Variants in ABCC4 observed in about 807,000 individuals in gnomAD.
ABCC4 encodes the protein ATP-binding cassette sub-family C member 4.
Under a neutral mutation model 168.5 loss-of-function variants are expected in ABCC4, and 102 were observed. The ratio of observed to expected loss-of-function variants is 0.61; its 90% CI spans 0.52 to 0.71. ABCC4 has a LOEUF of 0.71. ABCC4 is among the 30% of genes least tolerant of loss of function. ABCC4 has a pLI of 0.00. For missense variants in ABCC4, 1,402 were observed against 1,605.8 expected, an observed-to-expected ratio of 0.87 and a Z score of 2.17; for synonymous variants, 617 against 590.7, an observed-to-expected ratio of 1.04 and a Z score of -0.65.
At chr13:95,247,918 G>GCGCACACACACACACACACACACA (rs145006616) in intron 1 of ABCC4, among the ~76,000 whole-genome samples, 165 bp from the exon 2 acceptor site, 8 of 142,656 alleles carry the variant, frequency 5.6e-5, no homozygotes, top group African/African-American at 1.7e-4. Context: ...GTTAACATGT[G>GCGCACACACACACACACACACACA]CACACACACA....
chr13:95,152,340 T>A (rs1251773644), intron 19 of ABCC4, among the ~76,000 whole-genome samples: 2 of 152,226 alleles, frequency 1.3e-5, no homozygotes, highest in African/African-American at 4.8e-5. Context: ...CCATTGTTCT[T>A]TATGGGTGTT....
At chr13:95,128,431 T>C (rs1254662393) in intron 19 of ABCC4, among the ~76,000 whole-genome samples, 1 of 152,212 alleles carries the variant, frequency 6.6e-6, no homozygotes, top group Non-Finnish European at 1.5e-5. Flanking sequence ...CTTTTCTCCA[T>C]TACTTAGCAG....
intron 8 of ABCC4, among the ~76,000 whole-genome samples, chr13:95,199,142 T>C (rs915877296): frequency 5.9e-5 from 9 of 152,192 alleles, no homozygotes; most frequent in Non-Finnish European, 1.0e-4. Context: ...AAAATAGAAA[T>C]ATAAAAATAT....
intron 27 of ABCC4, among the ~76,000 whole-genome samples, chr13:95,045,535 AC>A (rs558910753): frequency 2.8e-4 from 42 of 152,300 alleles, no homozygotes; most frequent in African/African-American, 7.5e-4. Context: ...TCACAAAAAA[AC>A]AGGACACAAT....
At position 95,029,984 on chromosome 13, in the gene ABCC4, T is replaced by C. The variant is rs960090393; in HGVS notation, c.3870+4621A>G. Among the ~76,000 whole-genome samples, 23 of 85,726 alleles carry C rather than the reference T, an allele frequency of 2.7e-4. No individual in the cohort carries two copies. The South Asian group carries it at 3.9e-3, about 14-fold the overall frequency. 56.2% of individuals were successfully genotyped at this position (85,726 alleles called of 152,430 possible). A position where few individuals can be genotyped will look rare whatever the true frequency, so the allele number is the denominator to read the frequency against. ...ATCCAGGATGTCAGGACTTCTTGTC[T>C]ATCTATCCATCCATCCATCCATCCA... On this transcript the variant is annotated intron_variant, in intron 30 of 30. Transcript: ENST00000645237.
chr13:95,272,912 A>G (rs1338712566), intron 1 of ABCC4, among the ~76,000 whole-genome samples: 1 of 149,538 alleles, frequency 6.7e-6, no homozygotes, highest in Non-Finnish European at 1.5e-5. Context: ...TAAAAAAATA[A>G]AATAAACATG....
At chr13:95,047,188 T>TA (rs1481760095) in intron 27 of ABCC4, among the ~76,000 whole-genome samples, 5 of 152,086 alleles carry the variant, frequency 3.3e-5, no homozygotes, top group Non-Finnish European at 5.9e-5. Context: ...CATTTTAAAA[T>TA]AAAAAAATGG....
At chr13:95,240,917 G>A (rs557926700) in intron 3 of ABCC4, among the ~76,000 whole-genome samples, 1 of 152,180 alleles carries the variant, frequency 6.6e-6, no homozygotes, top group East Asian at 1.9e-4. Context: ...GTTGCAGTGA[G>A]CCAAGATCAC....
intron 20 of ABCC4, among the ~76,000 whole-genome samples, chr13:95,097,544 A>G (rs2034644150): frequency 6.7e-6 from 1 of 148,172 alleles, no homozygotes; most frequent in African/African-American, 2.5e-5. Flanking sequence ...AGCCAACTTG[A>G]CCTGTCATTT....
chr13:95,231,381 G>A (rs979266324), intron 4 of ABCC4, among the ~76,000 whole-genome samples: 7 of 152,284 alleles, frequency 4.6e-5, no homozygotes, highest in East Asian at 3.9e-4. Context: ...AATAAATGAC[G>A]AGTCATTTTC....
intron 15 of ABCC4, 48 bp from the exon 16 acceptor site, chr13:95,164,566 T>C: frequency 6.3e-7 from 1 of 1,599,390 alleles, no homozygotes; most frequent in Non-Finnish European, 8.6e-7. Context: ...TACAAAACTG[T>C]TCCCAAAGAT....
chr13:95,198,463 T>C (rs1045376324), intron 8 of ABCC4, among the ~76,000 whole-genome samples: 4 of 152,172 alleles, frequency 2.6e-5, no homozygotes, highest in African/African-American at 7.2e-5. Flanking sequence ...AAACAACAGA[T>C]GCTGGAGAGG....
intron 26 of ABCC4, among the ~76,000 whole-genome samples, chr13:95,061,856 C>T (rs2033311249): frequency 6.6e-6 from 1 of 151,982 alleles, no homozygotes. Flanking sequence ...TGACTATACA[C>T]CTGGAGAATA....
At chr13:95,216,908 T>C (rs1460430147) in intron 4 of ABCC4, among the ~76,000 whole-genome samples, 2 of 152,216 alleles carry the variant, frequency 1.3e-5, no homozygotes, top group Non-Finnish European at 2.9e-5. Context: ...GTCCAAATGT[T>C]TAGCTTTAAT....
rs11842898 is a variant in ABCC4 at position 95,074,079 on chromosome 13, A to C, written c.2917+135T>G. 1.9e-3 allele frequency: 1,322 copies of C among 690,972 alleles called. 12 individuals carry two copies. The African/African-American group carries it at 0.02, about 10-fold the overall frequency. The allele number at this position is 690,972 out of a possible 1,614,324, so 42.8% of individuals were successfully genotyped here. A position where few individuals can be genotyped will look rare whatever the true frequency, so the allele number is the denominator to read the frequency against. On this transcript the variant is annotated intron_variant, in intron 23 of 30. Coordinates refer to ENST00000645237, the MANE Select transcript of ABCC4 (RefSeq NM_005845.5). Reference sequence around the variant, plus strand: ...TGCTGAATCCTACCCAACCTGACACATCGTAAATGATTTAATACACTTCAT... The same window carrying C: ...TGCTGAATCCTACCCAACCTGACACCTCGTAAATGATTTAATACACTTCAT...
At chr13:95,149,650 T>C (rs534073349) in intron 19 of ABCC4, among the ~76,000 whole-genome samples, 1 of 152,346 alleles carries the variant, frequency 6.6e-6, no homozygotes, top group Admixed American at 6.5e-5. Flanking sequence ...TGATTGTAAC[T>C]ATGCCTCAAA....
chr13:95,223,241 T>A (rs2039354550), intron 4 of ABCC4, among the ~76,000 whole-genome samples: 1 of 152,132 alleles, frequency 6.6e-6, no homozygotes, highest in African/African-American at 2.4e-5. Context: ...CAATGTATCA[T>A]CCAAAATGTC....
In ABCC4 at chr13:95,023,654, G is replaced by T. The variant is rs114349279; in HGVS notation, c.3871-1972C>A. Among the ~76,000 whole-genome samples, 491 of 152,304 alleles carry T rather than the reference G, an allele frequency of 3.2e-3. 6 individuals are homozygous for T. The highest frequency in any genetic ancestry group is 0.011 in the African/African-American group (448 of 41,572). Reference sequence around the variant, plus strand: ...ACAAACTACAGGTTGAAAACCTGCTGCATTAGTGTTGGGTGTCATGATGAA... The same window carrying T: ...ACAAACTACAGGTTGAAAACCTGCTTCATTAGTGTTGGGTGTCATGATGAA... On this transcript the variant is annotated intron_variant, in intron 30 of 30. Transcript: ENST00000645237.
At chr13:95,185,188 A>C (rs989354319) in intron 11 of ABCC4, among the ~76,000 whole-genome samples, 1 of 152,246 alleles carries the variant, frequency 6.6e-6, no homozygotes, top group African/African-American at 2.4e-5. Flanking sequence ...GGCACTGGGA[A>C]ATCATGGCAA....
Sources: gnomAD v4.1 joint callset for allele counts (sites outside exome capture counted in the v4.1 genomes callset) on GRCh38, gnomAD v4.1.1 for gene constraint, MANE v1.5 for transcripts, NCBI Gene and HGNC (gene_info 2026-07-23, HGNC 2026-07-21) for gene names.